TTC28: variants seen among roughly 807,000 people sequenced by gnomAD.
The protein encoded by TTC28 is tetratricopeptide repeat domain 28.
Under a neutral mutation model 198.0 loss-of-function variants are expected in TTC28, and 61 were observed. The ratio of observed to expected loss-of-function variants is 0.31; its 90% CI spans 0.25 to 0.38. The LOEUF is 0.38. TTC28 is among the 10% of genes least tolerant of loss of function. The pLI is 1.00. For missense variants in TTC28, 2,678 were observed against 3,164.0 expected (o/e 0.85, Z 3.69); for synonymous variants, 1,171 against 1,297.8 (o/e 0.90, Z 2.10).
chr22:28,559,702 T>C (rs530455310), intron 2 of TTC28, among the ~76,000 whole-genome samples: 1 of 152,304 alleles, frequency 6.6e-6, no homozygotes, highest in South Asian at 2.1e-4. Flanking sequence ...ACTTAGCTTC[T>C]AGGATATCAC....
chr22:28,129,920 A>G (rs1943018436), intron 6 of TTC28, among the ~76,000 whole-genome samples: 1 of 152,210 alleles, frequency 6.6e-6, no homozygotes, highest in African/African-American at 2.4e-5. Flanking sequence ...ACAAACTCCC[A>G]GGAGATGAGA....
At chr22:28,185,389 A>G (rs1569700) in intron 5 of TTC28, among the ~76,000 whole-genome samples, 1 of 152,110 alleles carries the variant, frequency 6.6e-6, no homozygotes, top group Non-Finnish European at 1.5e-5. Context: ...AGGAGCTGCT[A>G]TTATGTTTGT....
chr22:28,487,626 A>G (rs180730311), intron 2 of TTC28, among the ~76,000 whole-genome samples: 11 of 152,316 alleles, frequency 7.2e-5, no homozygotes, highest in Admixed American at 7.2e-4. Flanking sequence ...TGCTTGCCAT[A>G]TGGATATATA....
intron 2 of TTC28, among the ~76,000 whole-genome samples, chr22:28,466,263 G>C (rs571798416): frequency 5.9e-5 from 9 of 152,174 alleles, no homozygotes; most frequent in Non-Finnish European, 1.0e-4. Flanking sequence ...GCATCCACTA[G>C]AGAAATGCCA....
At chr22:28,097,724 C>T (rs1942018814) in intron 10 of TTC28, among the ~76,000 whole-genome samples, 1 of 152,190 alleles carries the variant, frequency 6.6e-6, no homozygotes, top group African/African-American at 2.4e-5. Flanking sequence ...TGTGACAGCA[C>T]TTCAAGGATG....
At chr22:28,678,222 T>C (rs1407211388) in intron 1 of TTC28, among the ~76,000 whole-genome samples, 2 of 152,220 alleles carry the variant, frequency 1.3e-5, no homozygotes, top group African/African-American at 4.8e-5. Context: ...TGTATTTATT[T>C]ACTTATTTAA....
chr22:28,623,627 G>A (rs557528221), intron 2 of TTC28, among the ~76,000 whole-genome samples: 4 of 152,202 alleles, frequency 2.6e-5, no homozygotes, highest in Non-Finnish European at 4.4e-5. Flanking sequence ...ATATTTCCCA[G>A]GATAAACCAC....
intron 5 of TTC28, among the ~76,000 whole-genome samples, chr22:28,214,394 C>G (rs9613578): frequency 0.016 from 2,481 of 152,098 alleles, 44 homozygotes; most frequent in Non-Finnish European, 0.023. Flanking sequence ...TAACAAAGGG[C>G]GAATATCCAG....
At chr22:28,174,232 A>G (rs946069112) in intron 5 of TTC28, among the ~76,000 whole-genome samples, 3 of 152,240 alleles carry the variant, frequency 2.0e-5, no homozygotes, top group Non-Finnish European at 2.9e-5. Context: ...GGGAATATTA[A>G]TATCTCACAG....
chr22:28,637,473 C>G (rs1241472641), intron 1 of TTC28, among the ~76,000 whole-genome samples: 1 of 152,088 alleles, frequency 6.6e-6, no homozygotes. Flanking sequence ...ACTGCTATAA[C>G]TATGTTTTAT....
At chr22:28,581,476 TA>T (rs1332715322) in intron 2 of TTC28, among the ~76,000 whole-genome samples, 4 of 152,238 alleles carry the variant, frequency 2.6e-5, no homozygotes, top group Non-Finnish European at 5.9e-5. Context: ...TTCCAAAGGA[TA>T]AATAATACAT....
chr22:28,659,697 G>C lies in TTC28; in HGVS notation c.102+19925C>G, dbSNP rs138982911. 6.6e-3 allele frequency among the ~76,000 whole-genome samples: 1,005 copies of C among 152,260 alleles called. 23 individuals carry two copies. Among genetic ancestry groups the C allele is most frequent in the East Asian group, 0.06 (309 of 5,180 alleles). On this transcript the variant is annotated intron_variant, in intron 1 of 22. Coordinates refer to ENST00000397906, the MANE Select transcript of TTC28 (RefSeq NM_001145418.2). ...GAATCCCTTGAGCCTAGGAGTCCGA[G>C]GCTGGGGTGAGCTATAAGAGCACCA...
intron 1 of TTC28, chr22:28,642,943 T>C (rs919395110): frequency 6.6e-6 from 1 of 152,174 alleles, no homozygotes; most frequent in African/African-American, 2.4e-5. Flanking sequence ...AGAGTGCAGA[T>C]AGAGAACATT....
intron 2 of TTC28, among the ~76,000 whole-genome samples, chr22:28,542,251 A>AATCTATATTTCT (rs1334813155): frequency 5.3e-5 from 8 of 152,236 alleles, no homozygotes; most frequent in South Asian, 2.1e-4. Flanking sequence ...AAGATGCAGC[A>AATCTATATTTCT]ATAGAATCTA....
intron 12 of TTC28, among the ~76,000 whole-genome samples, chr22:28,062,413 CT>C (rs57398979): frequency 0.24 from 24,036 of 102,130 alleles, 2,160 homozygotes; most frequent in East Asian, 0.34. Context: ...TTTAACTCTT[CT>C]TTTTTTTTTT....
intron 13 of TTC28, among the ~76,000 whole-genome samples, chr22:28,016,158 A>G (rs1157805471): frequency 6.6e-6 from 1 of 151,968 alleles, no homozygotes; most frequent in African/African-American, 2.4e-5. Flanking sequence ...CAGGGAGCCC[A>G]CTCACATCCG....
intron 1 of TTC28, among the ~76,000 whole-genome samples, chr22:28,647,657 G>A (rs980629699): frequency 6.6e-6 from 1 of 151,666 alleles, no homozygotes; most frequent in Non-Finnish European, 1.5e-5. Context: ...GGCCAACACG[G>A]TGAAACCCCG....
intron 6 of TTC28, among the ~76,000 whole-genome samples, chr22:28,131,699 A>C (rs1943062964): frequency 6.6e-6 from 1 of 152,166 alleles, no homozygotes; most frequent in Admixed American, 6.5e-5. Flanking sequence ...TGGGTATATT[A>C]TTTGCCCTGT....
chr22:28,536,386 A>T (rs2049278810), intron 2 of TTC28, among the ~76,000 whole-genome samples: 1 of 151,912 alleles, frequency 6.6e-6, no homozygotes, highest in South Asian at 2.1e-4. Flanking sequence ...GCACTTTGGG[A>T]GGCCGAGGCG....
Sources: gnomAD v4.1 joint callset for allele counts (sites outside exome capture counted in the v4.1 genomes callset) on GRCh38, gnomAD v4.1.1 for gene constraint, MANE v1.5 for transcripts, NCBI Gene and HGNC (gene_info 2026-07-23, HGNC 2026-07-21) for gene names.